FBLN1: variants seen among roughly 807,000 people sequenced by gnomAD.
FBLN1 encodes the protein fibulin 1, also known as fibulin-1.
Under a neutral mutation model 89.7 loss-of-function variants are expected in FBLN1, and 34 were observed. The ratio of observed to expected loss-of-function variants is 0.38; its 90% CI spans 0.29 to 0.50. The LOEUF is 0.50. Ranked by LOEUF, FBLN1 falls within the 20% of genes least tolerant of loss-of-function variation. The pLI, the probability that FBLN1 is intolerant of heterozygous loss-of-function variation, is 0.92. For synonymous variants in FBLN1, 393 were observed against 391.3 expected (o/e 1.00, Z -0.05); for missense variants, 777 against 988.1 (o/e 0.79, Z 2.86).
In FBLN1 at chr22:45,583,142, G is replaced by T. The variant is rs1350247587; in HGVS notation, c.1972+6034G>T. Among the ~76,000 whole-genome samples, 2 of 152,182 alleles carry T rather than the reference G, an allele frequency of 1.3e-5. No homozygotes were observed. The highest frequency in any genetic ancestry group is 4.8e-5 in the African/African-American group (2 of 41,424). ...TATGTAAGAAAAAAAAGGAAGTGCTGGCCCAGGGTCCCACAGCCAGCAAGT... is the reference window on the plus strand; with the variant it reads ...TATGTAAGAAAAAAAAGGAAGTGCTTGCCCAGGGTCCCACAGCCAGCAAGT... On this transcript the variant is annotated intron_variant, in intron 16 of 16. Coordinates refer to ENST00000327858, the MANE Select transcript of FBLN1 (RefSeq NM_006486.3). The surrounding 1 kb of genome is among the most constrained non-coding windows in gnomAD (Gnocchi z 4.5).
At position 45,546,938 on chromosome 22, in the gene FBLN1, C is replaced by T. The variant is rs540291022; in HGVS notation, c.1322-147C>T. ...GCCACCAGCGATGACGCCTCTCCCTCGGCCACACCCCCCGGGACCTCTGTC... is the reference window on the plus strand; with the variant it reads ...GCCACCAGCGATGACGCCTCTCCCTTGGCCACACCCCCCGGGACCTCTGTC... On this transcript the variant is annotated intron_variant, in intron 11 of 16. Coordinates refer to ENST00000327858, the MANE Select transcript of FBLN1 (RefSeq NM_006486.3). 330 of 1,281,306 alleles carry T rather than the reference C, an allele frequency of 2.6e-4. 2 individuals carry two copies. In the African/African-American group the frequency reaches 3.8e-3, roughly 15 times the overall value. The allele number at this position is 1,281,306 out of a possible 1,614,324, so 79.4% of individuals were successfully genotyped here. A position where few individuals can be genotyped will look rare whatever the true frequency, so the allele number is the denominator to read the frequency against.
Position 45,575,431 on chromosome 22 carries a change from T to TA in FBLN1, c.1840+779dup, listed in dbSNP as rs1384462645. Among the ~76,000 whole-genome samples the TA allele has an allele frequency of 1.3e-5, 2 of 152,038 alleles. No homozygotes were observed. Among genetic ancestry groups the TA allele is most frequent in the African/African-American group, 4.8e-5 (2 of 41,392 alleles). On this transcript the variant is annotated intron_variant, in intron 15 of 16. Transcript: ENST00000327858. This position sits in a 1 kb window ranked among gnomAD's most constrained non-coding sequence, Gnocchi z 6.3. ...GAGCCAAGGTTTTCTGCTGGAGCGC[T>TA]AGAGGCTTGGCAAGAGGTGGGCTGG...
In FBLN1 at chr22:45,590,627, A is replaced by G. The variant is rs1241365494; in HGVS notation, c.1973-9680A>G. 1.3e-5 allele frequency among the ~76,000 whole-genome samples: 2 copies of G among 152,154 alleles called. No individual in the cohort carries two copies. The highest frequency in any genetic ancestry group is 6.5e-5 in the Admixed American group (1 of 15,274). Reference sequence around the variant, plus strand: ...GAAGGTGGTACACGTGTTCAGGTAGATGCGACGAGGCCGGAACTGAGGCCA... The same window carrying G: ...GAAGGTGGTACACGTGTTCAGGTAGGTGCGACGAGGCCGGAACTGAGGCCA... On this transcript the variant is annotated intron_variant, in intron 16 of 16. Coordinates refer to ENST00000327858, the MANE Select transcript of FBLN1 (RefSeq NM_006486.3). This position sits in a 1 kb window ranked among gnomAD's most constrained non-coding sequence, Gnocchi z 4.1.
intron 16 of FBLN1, among the ~76,000 whole-genome samples, chr22:45,599,702 G>A (rs903444759): frequency 1.3e-5 from 2 of 152,148 alleles, no homozygotes; most frequent in African/African-American, 4.8e-5. Context: ...TGGATCACCT[G>A]AGGTCAGGAG....
At chr22:45,582,782 G>A (rs76043079) in intron 16 of FBLN1, among the ~76,000 whole-genome samples, 6,104 of 152,304 alleles carry the variant, frequency 0.04, 149 homozygotes, top group Non-Finnish European at 0.06. Context: ...TTTAGTGCAC[G>A]TGTGGCTGGG....
At chr22:45,553,924 C>T (rs776831741) in intron 14 of FBLN1, among the ~76,000 whole-genome samples, 24 of 152,258 alleles carry the variant, frequency 1.6e-4, no homozygotes, top group Non-Finnish European at 3.4e-4. Context: ...CCCACCAGGG[C>T]GACTCTAGCG....
At chr22:45,506,098 T>A (rs1206921846) in intron 1 of FBLN1, among the ~76,000 whole-genome samples, 6 of 152,192 alleles carry the variant, frequency 3.9e-5, no homozygotes, top group Non-Finnish European at 8.8e-5. Flanking sequence ...TAGCTATTAT[T>A]CCTGTTGTCC....
rs1360115922 is a variant in FBLN1, at chr22:45,588,524, A to AGAT, written c.1972+11418_1972+11420dup. 6.6e-6 allele frequency among the ~76,000 whole-genome samples: 1 copy of AGAT among 152,176 alleles called. No homozygotes were observed. The highest frequency in any genetic ancestry group is 1.5e-5 in the Non-Finnish European group (1 of 68,036). ...CTTGCTTCTTATACACACACAGAAC[A>AGAT]GATGCACCCACTGGGGTCACCCCAA... On this transcript the variant is annotated intron_variant, in intron 16 of 16. Transcript: ENST00000327858. This position sits in a 1 kb window ranked among gnomAD's most constrained non-coding sequence, Gnocchi z 5.1.
At position 45,563,218 on chromosome 22, in the gene FBLN1, C is replaced by A. The variant is rs943705468; in HGVS notation, c.1698-11293C>A. On this transcript the variant is annotated intron_variant, in intron 14 of 16. Transcript: ENST00000327858. The surrounding 1 kb of genome is among the most constrained non-coding windows in gnomAD (Gnocchi z 5.7). Reference sequence around the variant, plus strand: ...TGGATCTCTCTCGCCACGGCACCGTCAGCTCCTTTGTGGCCAAGCTTTTCA... The same window carrying A: ...TGGATCTCTCTCGCCACGGCACCGTAAGCTCCTTTGTGGCCAAGCTTTTCA... 6.2e-7 allele frequency: 1 copy of A among 1,613,836 alleles called. No individual in the cohort carries two copies.
At chr22:45,553,895 A>AGAAGC (rs2088739975) in intron 14 of FBLN1, among the ~76,000 whole-genome samples, 1 of 152,210 alleles carries the variant, frequency 6.6e-6, no homozygotes, top group Non-Finnish European at 1.5e-5. Flanking sequence ...CCATGCTGAG[A>AGAAGC]GAAGCGGGAA....
chr22:45,568,893 G>C (rs908171831), intron 14 of FBLN1, among the ~76,000 whole-genome samples: 2 of 152,204 alleles, frequency 1.3e-5, no homozygotes, highest in African/African-American at 4.8e-5. Context: ...AGCCCCTGGT[G>C]GTTTGTTGGT....
chr22:45,564,819 T>TGCCA, intron 14 of FBLN1: 2 of 1,600,266 alleles, frequency 1.2e-6, no homozygotes, highest in Non-Finnish European at 1.7e-6. Flanking sequence ...CAGATGACTC[T>TGCCA]GCCAGCCCTG....
intron 8 of FBLN1, among the ~76,000 whole-genome samples, chr22:45,539,184 C>A (rs1175077871): frequency 7.4e-6 from 1 of 134,924 alleles, no homozygotes; most frequent in Non-Finnish European, 1.6e-5. Context: ...CCCGCCTCCC[C>A]CTTTCCCTCC....
rs1267621113 is a variant in FBLN1 at position 45,530,774 on chromosome 22, T to A, written c.485-491T>A. Among the ~76,000 whole-genome samples the A allele has an allele frequency of 1.3e-5, 2 of 152,148 alleles. No homozygotes were observed. The highest frequency in any genetic ancestry group is 2.9e-5 in the Non-Finnish European group (2 of 68,042). On this transcript the variant is annotated intron_variant, in intron 4 of 16. Transcript: ENST00000327858. This position sits in a 1 kb window ranked among gnomAD's most constrained non-coding sequence, Gnocchi z 5.4. Reference sequence around the variant, plus strand: ...GGTCTTTCTGTTATAACTGATCTTTTTTTTTTGAAACGGAGTCTCGCTCTT... The same window carrying A: ...GGTCTTTCTGTTATAACTGATCTTTATTTTTTGAAACGGAGTCTCGCTCTT...
Position 45,533,142 on chromosome 22 carries a change from G to A in FBLN1, c.624G>A (p.Leu208=), listed in dbSNP as rs1303641628. Residue 208 remains leucine (L), a synonymous_variant, in exon 6 of 17, where the codon CTG becomes CTA. Transcript: ENST00000327858. ...CCTGCTTCGTGGGCTACCAGCTGCT[G>A]TCTGATGGTGTCTCCTGTGAAGGTA... is the stretch of plus-strand genomic sequence containing the variant. ...VCSCFVGYQL[L]SDGVSCEDVN... is the part of the protein sequence containing the mutation. 2.5e-6 allele frequency: 4 copies of A among 1,613,976 alleles called. No homozygotes were observed. The highest frequency in any genetic ancestry group is 1.7e-5 in the Admixed American group (1 of 60,012).
rs2089195200 is a variant in FBLN1, at chr22:45,597,233, G to A, written c.1973-3074G>A. Among the ~76,000 whole-genome samples the A allele has an allele frequency of 6.6e-6, 1 of 152,134 alleles. No individual in the cohort carries two copies. Among genetic ancestry groups the A allele is most frequent in the Non-Finnish European group, 1.5e-5 (1 of 68,030 alleles). The stretch of plus-strand genomic sequence containing the variant: ...GCCCACGCTGGTCTCGAACTCATGG[G>A]CTTGTGATCTGCCCGCCTAAGCCTC... On this transcript the variant is annotated intron_variant, in intron 16 of 16. Coordinates refer to ENST00000327858, the MANE Select transcript of FBLN1 (RefSeq NM_006486.3). This position sits in a 1 kb window ranked among gnomAD's most constrained non-coding sequence, Gnocchi z 4.2.
At position 45,550,581 on chromosome 22, in the gene FBLN1, G is replaced by C; in HGVS notation, c.1663G>C (p.Glu555Gln). 6.2e-7 allele frequency: 1 copy of C among 1,614,012 alleles called. No homozygotes were observed. The highest frequency in any genetic ancestry group is 8.5e-7 in the Non-Finnish European group (1 of 1,180,034). Residue 555 changes from glutamate (E) to glutamine (Q), a missense_variant, in exon 14 of 17, where the codon GAG becomes CAG. Glu to Gln is a conservative substitution (Grantham distance 29). Transcript: ENST00000327858. This position sits in a 1 kb window ranked among gnomAD's most constrained non-coding sequence, Gnocchi z 8.4. ...IQGGFRCLAF[E>Q]CPENYRRSAA... ...GGGCGGCTTCCGCTGCCTGGCCTTC[G>C]AGTGCCCTGAGAACTACCGCCGCTC...
chr22:45,539,825 T>C (rs1163359335), intron 8 of FBLN1, among the ~76,000 whole-genome samples: 1 of 152,240 alleles, frequency 6.6e-6, no homozygotes, highest in African/African-American at 2.4e-5. Flanking sequence ...TGAGGGACAC[T>C]GTTGTTCTGT....
chr22:45,534,511 C>A (rs1444476086), intron 7 of FBLN1, among the ~76,000 whole-genome samples: 1 of 152,176 alleles, frequency 6.6e-6, no homozygotes, highest in Non-Finnish European at 1.5e-5. Context: ...TCGTTTAGAA[C>A]ACAGTTTTGC....
Sources: gnomAD v4.1 joint callset for allele counts (sites outside exome capture counted in the v4.1 genomes callset) on GRCh38, gnomAD v4.1.1 for gene constraint, Gnocchi (gnomAD v3.1) non-coding constraint, MANE v1.5 for transcripts, NCBI Gene and HGNC (gene_info 2026-07-23, HGNC 2026-07-21) for gene names.